Variants in EPHA3 observed in about 807,000 individuals in gnomAD.
EPHA3 encodes the protein EPH receptor A3.
A neutral mutation model predicts 107.1 loss-of-function variants in EPHA3; 42 were observed. That is an observed-to-expected ratio of 0.39 (90% CI 0.31 to 0.51). The LOEUF is 0.51. Among genes scored for constraint, EPHA3 ranks in the 20% least tolerant of loss-of-function variants. EPHA3 has a pLI of 0.78. For synonymous variants in EPHA3, 461 were observed against 424.8 expected, an observed-to-expected ratio of 1.09 and a Z score of -1.05; for missense variants, 1,183 against 1,211.2, an observed-to-expected ratio of 0.98 and a Z score of 0.35.
intron 15 of EPHA3, among the ~76,000 whole-genome samples, chr3:89,454,492 A>G (rs1298228755): frequency 1.3e-5 from 2 of 151,948 alleles, no homozygotes; most frequent in South Asian, 2.1e-4. Context: ...CACTCTCCTC[A>G]TGGCTGTTTC....
At chr3:89,366,689 G>T (rs535580657) in intron 5 of EPHA3, among the ~76,000 whole-genome samples, 1 of 150,672 alleles carries the variant, frequency 6.6e-6, no homozygotes, top group Admixed American at 6.7e-5. Context: ...TGGAATCAAA[G>T]CCCAGACTTT....
At chr3:89,225,851 A>G (rs2107215415) in intron 3 of EPHA3, among the ~76,000 whole-genome samples, 1 of 152,270 alleles carries the variant, frequency 6.6e-6, no homozygotes, top group African/African-American at 2.4e-5. Context: ...ATAGGAAAAG[A>G]ACCCAAGGGG....
chr3:89,117,710 AT>A (rs201039583), intron 1 of EPHA3, among the ~76,000 whole-genome samples: 90 of 151,546 alleles, frequency 5.9e-4, no homozygotes, highest in African/African-American at 1.9e-3. Flanking sequence ...TTATGGCATA[AT>A]TTTTTTTTGA....
Position 89,119,718 on chromosome 3 carries a change from T to A in EPHA3, c.89-7491T>A, listed in dbSNP as rs373086081. ...GAAATTTGTTTAATAAGGAAACCAA[T>A]TTATTCTACAGTGGGGTTCTTTCAA... On this transcript the variant is annotated intron_variant, in intron 1 of 16. Transcript: ENST00000336596. Among the ~76,000 whole-genome samples, 184 of 152,264 alleles carry A rather than the reference T, an allele frequency of 1.2e-3. 2 individuals carry two copies. Among genetic ancestry groups the A allele is most frequent in the African/African-American group, 4.2e-3 (173 of 41,572 alleles).
At chr3:89,223,500 G>C (rs1704431479) in intron 3 of EPHA3, among the ~76,000 whole-genome samples, 2 of 152,164 alleles carry the variant, frequency 1.3e-5, no homozygotes, top group Admixed American at 1.3e-4. Flanking sequence ...GTAAACTCCA[G>C]ATGAGGGTCA....
intron 12 of EPHA3, among the ~76,000 whole-genome samples, chr3:89,429,984 G>A (rs1709535375): frequency 6.6e-6 from 1 of 152,056 alleles, no homozygotes; most frequent in Non-Finnish European, 1.5e-5. Context: ...GGCTGGTTTA[G>A]AACCCCTGAC....
Position 89,154,981 on chromosome 3 carries a change from CT to C in EPHA3, c.153+27713del, listed in dbSNP as rs1443136591. ...CATAATTCTGTTTAAAAGTTTCAAA[CT>C]TTTTAAAATTTTTTCAAAGAATAAG... On this transcript the variant is annotated intron_variant, in intron 2 of 16. Transcript: ENST00000336596. 1.3e-4 allele frequency among the ~76,000 whole-genome samples: 20 copies of C among 150,352 alleles called. No individual in the cohort carries two copies. The East Asian group carries it at 3.9e-3, about 29-fold the overall frequency.
chr3:89,211,044 T>C (rs1704064414), intron 3 of EPHA3, among the ~76,000 whole-genome samples: 1 of 152,130 alleles, frequency 6.6e-6, no homozygotes. Flanking sequence ...TTTTAGAAGA[T>C]TATTTGATTT....
chr3:89,468,021 C>A (rs1469384929), intron 15 of EPHA3, among the ~76,000 whole-genome samples: 1 of 152,120 alleles, frequency 6.6e-6, no homozygotes, highest in Non-Finnish European at 1.5e-5. Flanking sequence ...TCTGAAAAAA[C>A]GCCAATGCCT....
intron 2 of EPHA3, among the ~76,000 whole-genome samples, chr3:89,184,731 G>A (rs1310831150): frequency 6.6e-6 from 1 of 151,982 alleles, no homozygotes; most frequent in Non-Finnish European, 1.5e-5. Flanking sequence ...ATTCGTTTCA[G>A]CATTTTCTTC....
At chr3:89,433,512 C>G (rs1310805771) in intron 13 of EPHA3, among the ~76,000 whole-genome samples, 6 of 152,150 alleles carry the variant, frequency 3.9e-5, no homozygotes, top group African/African-American at 7.2e-5. Flanking sequence ...GGAGGTAGGA[C>G]TCTCCCAATG....
chr3:89,416,039 T>C (rs1709240350), intron 10 of EPHA3, among the ~76,000 whole-genome samples: 1 of 151,450 alleles, frequency 6.6e-6, no homozygotes. Context: ...CATTGTTCAA[T>C]ATGTGTTTTT....
intron 3 of EPHA3, among the ~76,000 whole-genome samples, chr3:89,227,132 C>A (rs760036002): frequency 4.6e-5 from 7 of 151,958 alleles, no homozygotes; most frequent in Admixed American, 6.6e-5. Context: ...CAGTAACTGT[C>A]CTGAATGGCA....
chr3:89,240,824 A>C (rs2107243257), intron 3 of EPHA3, among the ~76,000 whole-genome samples: 1 of 152,230 alleles, frequency 6.6e-6, no homozygotes, highest in South Asian at 2.1e-4. Flanking sequence ...ATGAAGATGG[A>C]TAAGCTGATT....
intron 3 of EPHA3, among the ~76,000 whole-genome samples, chr3:89,292,588 T>G (rs9852380): frequency 0.23 from 34,419 of 152,112 alleles, 4,295 homozygotes; most frequent in Non-Finnish European, 0.27. Flanking sequence ...AAATTTTGAT[T>G]TTCCAATTTG....
Position 89,401,658 on chromosome 3 carries a change from A to T in EPHA3, c.1594+2178A>T, listed in dbSNP as rs188395373. 4.6e-4 allele frequency among the ~76,000 whole-genome samples: 70 copies of T among 152,246 alleles called. 1 individual carries two copies. Among genetic ancestry groups the T allele is most frequent in the East Asian group, 4.0e-3 (21 of 5,186 alleles). ...AATCCTGCTCTGTTGCCCAGGATGG[A>T]GTGCAATGGCATGATCTCAGCTCAC... is the stretch of plus-strand genomic sequence containing the variant. On this transcript the variant is annotated intron_variant, in intron 7 of 16. Transcript: ENST00000336596.
chr3:89,329,501 A>G (rs1424307783), intron 3 of EPHA3, among the ~76,000 whole-genome samples: 2 of 151,944 alleles, frequency 1.3e-5, no homozygotes, highest in African/African-American at 4.8e-5. Context: ...CCAATACGCT[A>G]TTTTCTCATC....
At chr3:89,237,037 G>T (rs1361473390) in intron 3 of EPHA3, among the ~76,000 whole-genome samples, 4 of 152,170 alleles carry the variant, frequency 2.6e-5, no homozygotes, top group African/African-American at 9.6e-5. Context: ...ATGAATGCAT[G>T]GATTGATAAT....
At chr3:89,316,477 A>ATG (rs59376338) in intron 3 of EPHA3, among the ~76,000 whole-genome samples, 6,301 of 130,494 alleles carry the variant, frequency 0.048, 257 homozygotes, top group African/African-American at 0.1. Flanking sequence ...CTGTATATAT[A>ATG]TGTGTGTGTG....
Sources: gnomAD v4.1 joint callset for allele counts (sites outside exome capture counted in the v4.1 genomes callset) on GRCh38, gnomAD v4.1.1 for gene constraint, MANE v1.5 for transcripts, NCBI Gene and HGNC (gene_info 2026-07-23, HGNC 2026-07-21) for gene names.